UBE2QL1: variants seen among roughly 807,000 people sequenced by gnomAD.
UBE2QL1 encodes the protein ubiquitin conjugating enzyme E2 QL1.
UBE2QL1 carries 5 observed loss-of-function variants against 12.6 expected under a neutral mutation model. That is an observed-to-expected ratio of 0.40 (90% confidence interval 0.21 to 0.83). The LOEUF is 0.83. Among genes scored for constraint, UBE2QL1 ranks in the 40% least tolerant of loss-of-function variants. UBE2QL1 has a pLI of 0.37. For synonymous variants in UBE2QL1, 96 were observed against 94.5 expected (o/e 1.02, Z -0.10); for missense variants, 99 against 222.6 (o/e 0.44, Z 3.53).
At chr5:6,475,129 A>C (rs77080711) in intron 1 of UBE2QL1, among the ~76,000 whole-genome samples, 1 of 152,256 alleles carries the variant, frequency 6.6e-6, no homozygotes, top group Non-Finnish European at 1.5e-5. Context: ...TTCTTAATCA[A>C]AAAGCCGAGA....
chr5:6,475,183 A>G lies in UBE2QL1; in HGVS notation c.355-16035A>G, dbSNP rs1251297379. Among the ~76,000 whole-genome samples, 3 of 152,246 alleles carry G rather than the reference A, an allele frequency of 2.0e-5. No homozygotes were observed. The East Asian group carries it at 5.8e-4, about 29-fold the overall frequency. On this transcript the variant is annotated intron_variant, in intron 1 of 1. Transcript: ENST00000399816. The stretch of plus-strand genomic sequence containing the variant: ...ATACAAATAAAAGAATTAAAATCAG[A>G]ACATCTCCCAAAGTAATGACCTAAA...
chr5:6,490,447 C>G (rs1042525338), intron 1 of UBE2QL1, among the ~76,000 whole-genome samples: 11 of 152,236 alleles, frequency 7.2e-5, no homozygotes, highest in African/African-American at 2.7e-4. Flanking sequence ...GACAAGTGCT[C>G]TGTCCTTGGG....
intron 1 of UBE2QL1, among the ~76,000 whole-genome samples, chr5:6,480,043 CA>C (rs1206481571): frequency 6.6e-6 from 1 of 152,242 alleles, no homozygotes; most frequent in Non-Finnish European, 1.5e-5. Context: ...CATCCAGTGC[CA>C]GGGGGCACAG....
chr5:6,475,223 TC>T (rs1734206481), intron 1 of UBE2QL1, among the ~76,000 whole-genome samples: 1 of 152,210 alleles, frequency 6.6e-6, no homozygotes, highest in Admixed American at 6.5e-5. Context: ...ATAATAGCCA[TC>T]CTAGTTGCTT....
intron 1 of UBE2QL1, among the ~76,000 whole-genome samples, chr5:6,468,217 A>G (rs1445619053): frequency 6.6e-6 from 1 of 152,028 alleles, no homozygotes; most frequent in East Asian, 1.9e-4. Flanking sequence ...TGTCTTGAAA[A>G]TGCCTTGTCC....
intron 1 of UBE2QL1, among the ~76,000 whole-genome samples, chr5:6,473,468 C>A (rs749498447): frequency 6.6e-6 from 1 of 152,230 alleles, no homozygotes; most frequent in African/African-American, 2.4e-5. Context: ...GGAACACACA[C>A]GCCTCCTTCT....
chr5:6,465,942 C>T (rs1472299115), intron 1 of UBE2QL1, among the ~76,000 whole-genome samples: 2 of 152,178 alleles, frequency 1.3e-5, no homozygotes, highest in African/African-American at 4.8e-5. Flanking sequence ...TCCCTTCCTT[C>T]CCCCGACACC....
At chr5:6,459,801 A>G (rs116526057) in intron 1 of UBE2QL1, among the ~76,000 whole-genome samples, 2,655 of 152,278 alleles carry the variant, frequency 0.017, 25 homozygotes, top group Non-Finnish European at 0.027. Context: ...ACATTTGCCT[A>G]TTGGTGACAA....
chr5:6,457,314 C>T (rs1322633690), intron 1 of UBE2QL1, among the ~76,000 whole-genome samples: 1 of 152,048 alleles, frequency 6.6e-6, no homozygotes, highest in East Asian at 1.9e-4. Context: ...TCTCTGCAAA[C>T]AGCTCCTCAA....
intron 1 of UBE2QL1, among the ~76,000 whole-genome samples, chr5:6,489,671 G>A (rs567256745): frequency 3.5e-4 from 53 of 152,222 alleles, no homozygotes; most frequent in Non-Finnish European, 7.5e-4. Context: ...CACGTTTCAG[G>A]TGGTTGGGCA....
At chr5:6,471,404 G>A (rs557294820) in intron 1 of UBE2QL1, among the ~76,000 whole-genome samples, 1 of 152,300 alleles carries the variant, frequency 6.6e-6, no homozygotes, top group African/African-American at 2.4e-5. Flanking sequence ...TCATCTGGAG[G>A]TCTGACTGGG....
chr5:6,457,482 G>C (rs547689903), intron 1 of UBE2QL1, among the ~76,000 whole-genome samples: 1 of 152,278 alleles, frequency 6.6e-6, no homozygotes, highest in East Asian at 1.9e-4. Flanking sequence ...CACTTTGTTT[G>C]TGCCAAATAG....
At position 6,494,148 on chromosome 5, in the gene UBE2QL1, C is replaced by T. The variant is rs1235716613; in HGVS notation, c.*2799C>T. ...CTCTTCTCAATGCAGAACTCCTTCCCGTCCAATAATTTTCCTGAACCAATC... is the reference window on the plus strand; with the variant it reads ...CTCTTCTCAATGCAGAACTCCTTCCTGTCCAATAATTTTCCTGAACCAATC... On this transcript the variant is annotated 3_prime_UTR_variant, in exon 2 of 2. Coordinates refer to ENST00000399816, the MANE Select transcript of UBE2QL1 (RefSeq NM_001145161.3). The T allele has an allele frequency of 1.3e-5, 2 of 152,214 alleles. No individual in the cohort carries two copies. The highest frequency in any genetic ancestry group is 2.9e-5 in the Non-Finnish European group (2 of 68,066). 9.4% of individuals were successfully genotyped at this position (152,214 alleles called of 1,614,324 possible).
At chr5:6,452,642 A>G (rs921034424) in intron 1 of UBE2QL1, among the ~76,000 whole-genome samples, 1 of 152,210 alleles carries the variant, frequency 6.6e-6, no homozygotes, top group Non-Finnish European at 1.5e-5. Context: ...TTTTGAAATG[A>G]AAGTAGCCTG....
Position 6,473,022 on chromosome 5 carries a change from G to A in UBE2QL1, c.355-18196G>A, listed in dbSNP as rs535488011. Among the ~76,000 whole-genome samples, 9 of 152,196 alleles carry A rather than the reference G, an allele frequency of 5.9e-5. No homozygotes were observed. In the East Asian group the frequency reaches 1.5e-3, roughly 26 times the overall value. ...TCTGAACCACCTGGTCTTTTCCCAC[G>A]GCTTTCTGCTGCCATTGTTATCCCA... is the stretch of plus-strand genomic sequence containing the variant. On this transcript the variant is annotated intron_variant, in intron 1 of 1. Coordinates refer to ENST00000399816, the MANE Select transcript of UBE2QL1 (RefSeq NM_001145161.3).
chr5:6,453,275 A>G (rs1222766561), intron 1 of UBE2QL1, among the ~76,000 whole-genome samples: 5 of 152,206 alleles, frequency 3.3e-5, no homozygotes, highest in Admixed American at 1.3e-4. Context: ...CATGAGTGGC[A>G]AGGCTCTGAA....
chr5:6,481,152 C>T lies in UBE2QL1; in HGVS notation c.355-10066C>T, dbSNP rs1013249325. 2.6e-5 allele frequency among the ~76,000 whole-genome samples: 4 copies of T among 152,164 alleles called. No homozygotes were observed. The highest frequency in any genetic ancestry group is 1.9e-4 in the East Asian group (1 of 5,184). On this transcript the variant is annotated intron_variant, in intron 1 of 1. Coordinates refer to ENST00000399816, the MANE Select transcript of UBE2QL1 (RefSeq NM_001145161.3). This position sits in a 1 kb window ranked among gnomAD's most constrained non-coding sequence, Gnocchi z 4.5. ...CTTCTCGGGCCATTTCACCTGTGCA[C>T]GCTTCGTTGTGGCTGCACCTGCCCT...
At chr5:6,480,852 T>G (rs1436973284) in intron 1 of UBE2QL1, among the ~76,000 whole-genome samples, 2 of 152,170 alleles carry the variant, frequency 1.3e-5, no homozygotes, top group Non-Finnish European at 2.9e-5. Context: ...TTCACAGTTT[T>G]AAGAAAGAGT....
At chr5:6,477,794 G>A (rs1281194193) in intron 1 of UBE2QL1, among the ~76,000 whole-genome samples, 1 of 152,214 alleles carries the variant, frequency 6.6e-6, no homozygotes, top group Non-Finnish European at 1.5e-5. Flanking sequence ...AATCTGGGTG[G>A]TTCTTTGGAA....
Sources: gnomAD v4.1 joint callset for allele counts (sites outside exome capture counted in the v4.1 genomes callset) on GRCh38, gnomAD v4.1.1 for gene constraint, Gnocchi (gnomAD v3.1) non-coding constraint, MANE v1.5 for transcripts, NCBI Gene and HGNC (gene_info 2026-07-23, HGNC 2026-07-21) for gene names.